The following CHN1 variants were observed in gnomAD, a reference collection of about 807,000 sequenced individuals.
The protein encoded by CHN1 is chimerin 1.
Under a neutral mutation model 59.5 loss-of-function variants are expected in CHN1, and 37 were observed. The observed-to-expected ratio is 0.62, with a 90% CI of 0.48 to 0.82. The LOEUF is 0.82. CHN1 is among the 40% of genes least tolerant of loss of function. CHN1 has a pLI of 0.00. For synonymous variants in CHN1, 206 were observed against 200.4 expected (o/e 1.03, Z -0.24); for missense variants, 469 against 571.0 (o/e 0.82, Z 1.82).
At position 174,801,799 on chromosome 2, in the gene CHN1, C is replaced by G. The variant is rs757698618; in HGVS notation, c.1116G>C (p.Pro372=). 3 of 1,612,172 alleles carry G rather than the reference C, an allele frequency of 1.9e-6. No homozygotes were observed. The highest frequency in any genetic ancestry group is 2.5e-6 in the Non-Finnish European group (3 of 1,178,654). ...CATGAAGGGTTTCCAATTGCTCATC[C>G]GGATCCATAATTTCTAAAATAGCAA... ...KFIESAKIMD[P]DEQLETLHEA... is the part of the protein sequence containing the mutation. The change falls in exon 12 of 13, where the codon CCG becomes CCC. Residue 372 remains proline, a synonymous_variant. Coordinates refer to ENST00000409900, the MANE Select transcript of CHN1 (RefSeq NM_001822.7).
chr2:174,812,509 A>C (rs776373199), intron 8 of CHN1, 27 bp from the exon 9 acceptor site: 1 of 1,610,108 alleles, frequency 6.2e-7, no homozygotes, highest in Admixed American at 1.7e-5. Flanking sequence ...GAAAGGAAAC[A>C]TTCAATATTA....
chr2:174,842,889 A>G (rs1015600006), intron 7 of CHN1, among the ~76,000 whole-genome samples: 1 of 152,250 alleles, frequency 6.6e-6, no homozygotes, highest in African/African-American at 2.4e-5. Context: ...CACTAAATCT[A>G]TTAATACAAT....
chr2:174,889,188 T>C (rs1687976371), intron 5 of CHN1, among the ~76,000 whole-genome samples: 2 of 152,202 alleles, frequency 1.3e-5, no homozygotes, highest in African/African-American at 4.8e-5. Flanking sequence ...TAAAAGGTTT[T>C]AGAGGCCCCT....
At chr2:174,997,962 G>A (rs1691763702) in intron 1 of CHN1, among the ~76,000 whole-genome samples, 1 of 149,004 alleles carries the variant, frequency 6.7e-6, no homozygotes, top group African/African-American at 2.5e-5. Context: ...ACTCCAGCCT[G>A]GGTGACACAG....
At chr2:174,900,715 G>C (rs1467939828) in intron 5 of CHN1, among the ~76,000 whole-genome samples, 1 of 151,920 alleles carries the variant, frequency 6.6e-6, no homozygotes, top group Non-Finnish European at 1.5e-5. Flanking sequence ...TGAGGCAGGA[G>C]AATCGCTTGA....
At chr2:174,999,181 A>C (rs1483529730) in intron 1 of CHN1, among the ~76,000 whole-genome samples, 1 of 152,166 alleles carries the variant, frequency 6.6e-6, no homozygotes, top group East Asian at 1.9e-4. Flanking sequence ...AAAAAATCAA[A>C]GTTCATAGAA....
intron 1 of CHN1, among the ~76,000 whole-genome samples, chr2:174,967,767 C>A (rs1377314702): frequency 1.3e-5 from 2 of 152,166 alleles, no homozygotes; most frequent in African/African-American, 2.4e-5. Context: ...ACCTCCTTAA[C>A]CTTTTCTTAA....
At position 174,917,833 on chromosome 2, in the gene CHN1, G is replaced by A. The variant is rs145732945; in HGVS notation, c.146+701C>T. Among the ~76,000 whole-genome samples the A allele has an allele frequency of 4.4e-3, 676 of 152,110 alleles. 6 individuals carry two copies. The highest frequency in any genetic ancestry group is 0.015 in the African/African-American group (637 of 41,554). On this transcript the variant is annotated intron_variant, in intron 4 of 12. Transcript: ENST00000409900. ...CCAGTCAGAAAAAACAAACAATTTT[G>A]AGGAATGATGAGATTATGAGTGATT...
At chr2:174,855,154 T>A (rs1686863205) in intron 6 of CHN1, among the ~76,000 whole-genome samples, 1 of 152,188 alleles carries the variant, frequency 6.6e-6, no homozygotes, top group South Asian at 2.1e-4. Flanking sequence ...AGGACTTATT[T>A]ATAGTCAGAA....
chr2:174,868,102 A>C lies in CHN1; in HGVS notation c.549+9738T>G, dbSNP rs1290052430. The stretch of plus-strand genomic sequence containing the variant: ...CTTTCTTTGTTTTTCATATCTTTCT[A>C]ATTTTTTATGAAGAGCTTGTATTTC... On this transcript the variant is annotated intron_variant, in intron 6 of 12. Coordinates refer to ENST00000409900, the MANE Select transcript of CHN1 (RefSeq NM_001822.7). Among the ~76,000 whole-genome samples the C allele has an allele frequency of 9.2e-4, 140 of 152,268 alleles. 3 individuals are homozygous for C. The highest frequency in any genetic ancestry group is 2.1e-4 in the Non-Finnish European group (14 of 68,004).
chr2:174,826,891 G>A (rs1685701143), intron 7 of CHN1, among the ~76,000 whole-genome samples: 1 of 152,054 alleles, frequency 6.6e-6, no homozygotes, highest in African/African-American at 2.4e-5. Context: ...TCATTCTTGG[G>A]CAGCTTTTTT....
At chr2:174,824,159 TCTC>T (rs1685601679) in intron 8 of CHN1, among the ~76,000 whole-genome samples, 1 of 152,228 alleles carries the variant, frequency 6.6e-6, no homozygotes, top group Non-Finnish European at 1.5e-5. Flanking sequence ...CTTACTTTTA[TCTC>T]CTTTTATCAG....
At chr2:174,846,407 C>T in intron 7 of CHN1, 1 of 1,544,672 alleles carries the variant, frequency 6.5e-7, no homozygotes, top group Non-Finnish European at 8.7e-7. Flanking sequence ...TCATCATGGT[C>T]AATTCATTAA....
At chr2:174,958,781 T>C (rs1162282814) in intron 1 of CHN1, among the ~76,000 whole-genome samples, 1 of 152,232 alleles carries the variant, frequency 6.6e-6, no homozygotes, top group Non-Finnish European at 1.5e-5. Flanking sequence ...TAAAGCACCT[T>C]GTACTTAGGA....
chr2:174,972,771 C>A (rs1320637927), intron 1 of CHN1, among the ~76,000 whole-genome samples: 1 of 152,104 alleles, frequency 6.6e-6, no homozygotes, highest in Non-Finnish European at 1.5e-5. Flanking sequence ...TACTACATAA[C>A]CTTATCAGAG....
chr2:174,939,996 C>G (rs1263861732), intron 3 of CHN1, among the ~76,000 whole-genome samples: 1 of 151,968 alleles, frequency 6.6e-6, no homozygotes, highest in Non-Finnish European at 1.5e-5. Flanking sequence ...ACATTTTTAT[C>G]AATAGAGAAA....
At chr2:174,830,255 A>T (rs1232987428) in intron 7 of CHN1, among the ~76,000 whole-genome samples, 1 of 152,096 alleles carries the variant, frequency 6.6e-6, no homozygotes, top group Non-Finnish European at 1.5e-5. Flanking sequence ...AAAATAAAAA[A>T]ATCATACCCT....
At chr2:174,899,046 G>A (rs561645593) in intron 5 of CHN1, among the ~76,000 whole-genome samples, 162 of 152,190 alleles carry the variant, frequency 1.1e-3, no homozygotes, top group African/African-American at 3.5e-3. Context: ...AAACTCCTTG[G>A]CTGTCAGTAG....
At chr2:174,999,710 T>C (rs972451687) in intron 1 of CHN1, among the ~76,000 whole-genome samples, 1 of 152,216 alleles carries the variant, frequency 6.6e-6, no homozygotes, top group African/African-American at 2.4e-5. Context: ...AGAAAGCAGA[T>C]ATATCTACAG....
Sources: gnomAD v4.1 joint callset for allele counts (sites outside exome capture counted in the v4.1 genomes callset) on GRCh38, gnomAD v4.1.1 for gene constraint, MANE v1.5 for transcripts, NCBI Gene and HGNC (gene_info 2026-07-23, HGNC 2026-07-21) for gene names.